The following CRKL variants were observed in gnomAD, a reference collection of about 807,000 sequenced individuals.
CRKL encodes the protein crk-like protein.
A neutral mutation model predicts 23.0 loss-of-function variants in CRKL; 3 were observed. The observed-to-expected ratio is 0.13, with a 90% CI of 0.06 to 0.34. The LOEUF is 0.34. Ranked by LOEUF, CRKL falls within the 10% of genes least tolerant of loss-of-function variation. The pLI is 1.00. For missense variants in CRKL, 256 were observed against 394.5 expected (o/e 0.65, Z 2.97); for synonymous variants, 188 against 160.7 (o/e 1.17, Z -1.28).
rs555511198 is a variant in CRKL, at chr22:20,951,261, T to G, written c.*1416T>G. Reference sequence around the variant, plus strand: ...GGTGCTGCTCATACTGGTCTCACAGTCTAAGTAAGTGTCTGTGATGCTCCC... The same window carrying G: ...GGTGCTGCTCATACTGGTCTCACAGGCTAAGTAAGTGTCTGTGATGCTCCC... On this transcript the variant is annotated 3_prime_UTR_variant, in exon 3 of 3. Transcript: ENST00000354336. 4 of 232,506 alleles carry G rather than the reference T, an allele frequency of 1.7e-5. No individual in the cohort carries two copies. The highest frequency in any genetic ancestry group is 3.4e-5 in the Non-Finnish European group (4 of 117,662). 14.4% of individuals were successfully genotyped at this position (232,506 alleles called of 1,614,324 possible).
intron 2 of CRKL, among the ~76,000 whole-genome samples, chr22:20,942,701 ACCTCCATCTCCTGGGTTC>A (rs1921923474): frequency 6.6e-6 from 1 of 151,804 alleles, no homozygotes; most frequent in African/African-American, 2.4e-5. Context: ...GCTCACTGCA[ACCTCCATCTCCTGGGTTC>A]AAGCGATTTC....
At chr22:20,945,289 G>A (rs5997064) in intron 2 of CRKL, among the ~76,000 whole-genome samples, 115,399 of 152,072 alleles carry the variant, frequency 0.76, 44,316 homozygotes, top group South Asian at 0.91. Context: ...CACCGCACCC[G>A]GCTTGGAATT....
chr22:20,925,434 G>A (rs1921165073), intron 1 of CRKL, among the ~76,000 whole-genome samples: 1 of 152,210 alleles, frequency 6.6e-6, no homozygotes, highest in East Asian at 1.9e-4. Context: ...GACTGAACCT[G>A]GGAGGCAGAG....
At chr22:20,939,881 C>G (rs1006954773) in intron 2 of CRKL, among the ~76,000 whole-genome samples, 3 of 151,274 alleles carry the variant, frequency 2.0e-5, no homozygotes, top group African/African-American at 7.3e-5. Flanking sequence ...CTCTACCTCC[C>G]AGGTTCAAGT....
At chr22:20,942,636 T>G (rs1166973564) in intron 2 of CRKL, among the ~76,000 whole-genome samples, 7 of 152,162 alleles carry the variant, frequency 4.6e-5, no homozygotes, top group African/African-American at 1.7e-4. Flanking sequence ...GCTTTTTTTT[T>G]TTGAAACGGA....
Position 20,918,195 on chromosome 22 carries a change from T to C in CRKL, c.261T>C (p.Phe87=), listed in dbSNP as rs1228000727. 6 of 1,614,070 alleles carry C rather than the reference T, an allele frequency of 3.7e-6. No individual in the cohort carries two copies. The highest frequency in any genetic ancestry group is 5.1e-6 in the Non-Finnish European group (6 of 1,180,016). Residue 87 remains phenylalanine, a synonymous_variant, in exon 1 of 3, where the codon TTT becomes TTC. Coordinates refer to ENST00000354336, the MANE Select transcript of CRKL (RefSeq NM_005207.4). The part of the protein sequence containing the change: ...EFDHLPALLE[F]YKIHYLDTTT... ...ACCATTTGCCGGCCCTGCTGGAGTT[T>C]TACAAGATCCACTACCTGGACACCA...
chr22:20,939,789 C>CTTTT (rs57712024), intron 2 of CRKL, among the ~76,000 whole-genome samples: 1 of 128,344 alleles, frequency 7.8e-6, no homozygotes, highest in Non-Finnish European at 1.7e-5. Flanking sequence ...TCTCTGAATC[C>CTTTT]TTTTTTTTTT....
intron 2 of CRKL, among the ~76,000 whole-genome samples, chr22:20,940,815 T>C (rs1352311814): frequency 6.6e-6 from 1 of 152,208 alleles, no homozygotes; most frequent in African/African-American, 2.4e-5. Context: ...CTTCCTTTAC[T>C]GACTGACCTG....
At chr22:20,934,850 G>A (rs1321472758) in intron 2 of CRKL, among the ~76,000 whole-genome samples, 1 of 111,752 alleles carries the variant, frequency 8.9e-6, no homozygotes, top group Non-Finnish European at 1.6e-5. Flanking sequence ...GTCTCACTCT[G>A]TCGCCCAGGC....
In CRKL at chr22:20,925,633, A is replaced by G. The variant is rs541213082; in HGVS notation, c.311+7388A>G. ...CTTGAGTTGAATCTGAGCTAAAATC[A>G]TAACAAGTTGGGTGGGGCCACCAGG... On this transcript the variant is annotated intron_variant, in intron 1 of 2. Transcript: ENST00000354336. 1.2e-4 allele frequency among the ~76,000 whole-genome samples: 18 copies of G among 152,388 alleles called. No individual in the cohort carries two copies. In the East Asian group the frequency reaches 3.5e-3, roughly 29 times the overall value.
intron 2 of CRKL, among the ~76,000 whole-genome samples, chr22:20,944,904 T>A (rs1365219076): frequency 7.3e-6 from 1 of 136,736 alleles, no homozygotes; most frequent in Non-Finnish European, 1.6e-5. Flanking sequence ...TTTAGTAGAA[T>A]TGGGGTTTTA....
intron 1 of CRKL, among the ~76,000 whole-genome samples, chr22:20,930,487 C>T (rs557294887): frequency 6.6e-6 from 1 of 152,148 alleles, no homozygotes; most frequent in African/African-American, 2.4e-5. Flanking sequence ...TCAAGCAATT[C>T]TCTTCCCTCG....
chr22:20,918,265 G>T lies in CRKL; in HGVS notation c.311+20G>T, dbSNP rs2147892157. The T allele has an allele frequency of 6.2e-7, 1 of 1,610,272 alleles. No homozygotes were observed. The highest frequency in any genetic ancestry group is 1.1e-5 in the South Asian group (1 of 90,878). ...GCCCAGGTACGCGAGAGCCCTCCCC[G>T]ACCGCGGAGGAAGGTCGAGAACCGG... On this transcript the variant is annotated intron_variant, in intron 1 of 2. Transcript: ENST00000354336.
intron 2 of CRKL, among the ~76,000 whole-genome samples, chr22:20,939,409 T>C (rs1216074366): frequency 2.1e-4 from 2 of 9,344 alleles, no homozygotes; most frequent in Admixed American, 3.2e-3. Context: ...CCCGGCTAAT[T>C]TTTTTTTTTG....
chr22:20,943,396 T>C (rs777589663), intron 2 of CRKL, among the ~76,000 whole-genome samples: 4 of 152,022 alleles, frequency 2.6e-5, no homozygotes, highest in Non-Finnish European at 5.9e-5. Context: ...CTCACCACCA[T>C]ACCCCGCTAA....
chr22:20,939,574 C>T (rs1921789170), intron 2 of CRKL, among the ~76,000 whole-genome samples: 1 of 151,738 alleles, frequency 6.6e-6, no homozygotes, highest in African/African-American at 2.4e-5. Context: ...TGGTCTGTCT[C>T]ATGTTGTATG....
At chr22:20,922,709 CTG>C (rs1273580076) in intron 1 of CRKL, among the ~76,000 whole-genome samples, 3 of 152,264 alleles carry the variant, frequency 2.0e-5, no homozygotes, top group Middle Eastern at 3.4e-3. Flanking sequence ...AAGTCTCCCT[CTG>C]TCCCCCAGGC....
chr22:20,927,443 C>G (rs180746759), intron 1 of CRKL, among the ~76,000 whole-genome samples: 2 of 149,194 alleles, frequency 1.3e-5, no homozygotes, highest in African/African-American at 4.9e-5. Context: ...CCAATTGCCT[C>G]GGCCCCCTAA....
intron 1 of CRKL, among the ~76,000 whole-genome samples, chr22:20,927,872 A>AAGAGTAAG (rs1921288665): frequency 6.7e-6 from 1 of 149,336 alleles, no homozygotes; most frequent in Non-Finnish European, 1.5e-5. Context: ...AAAAAGGAAA[A>AAGAGTAAG]AGAGTAAGCC....
Sources: gnomAD v4.1 joint callset for allele counts (sites outside exome capture counted in the v4.1 genomes callset) on GRCh38, gnomAD v4.1.1 for gene constraint, MANE v1.5 for transcripts, NCBI Gene and HGNC (gene_info 2026-07-23, HGNC 2026-07-21) for gene names.